The following CAMK1D variants were observed in gnomAD, a reference collection of about 807,000 sequenced individuals.
CAMK1D encodes calcium/calmodulin dependent protein kinase ID.
A neutral mutation model predicts 47.7 loss-of-function variants in CAMK1D; 9 were observed. The ratio of observed to expected loss-of-function variants is 0.19; its 90% CI spans 0.11 to 0.33. The LOEUF (loss-of-function observed/expected upper bound fraction) is 0.33. Among genes scored for constraint, CAMK1D ranks in the 10% least tolerant of loss-of-function variants. The pLI is 1.00. For missense variants in CAMK1D, 291 were observed against 488.7 expected (o/e 0.60, Z 3.81); for synonymous variants, 184 against 184.9 (o/e 0.99, Z 0.04).
chr10:12,660,903 G>C (rs532551310), intron 2 of CAMK1D, among the ~76,000 whole-genome samples: 1 of 152,372 alleles, frequency 6.6e-6, no homozygotes, highest in Non-Finnish European at 1.5e-5. Flanking sequence ...TTTGGAAAGA[G>C]TGTTGACCTC....
intron 2 of CAMK1D, among the ~76,000 whole-genome samples, chr10:12,642,314 G>C (rs1331390718): frequency 1.3e-5 from 2 of 152,206 alleles, no homozygotes; most frequent in Admixed American, 6.5e-5. Context: ...TCAGGGCCTG[G>C]CATGTAAGTG....
chr10:12,492,046 A>G (rs1006459537), intron 1 of CAMK1D, among the ~76,000 whole-genome samples: 1 of 152,108 alleles, frequency 6.6e-6, no homozygotes, highest in Non-Finnish European at 1.5e-5. Context: ...CAGCCTCCCA[A>G]ACTGCTGAGA....
intron 1 of CAMK1D, among the ~76,000 whole-genome samples, chr10:12,370,673 T>C (rs944698454): frequency 2.0e-5 from 3 of 152,174 alleles, no homozygotes; most frequent in Non-Finnish European, 4.4e-5. Context: ...GGTGGCGTGA[T>C]CTTGGCTCAC....
At chr10:12,567,838 CAG>C (rs1177242562) in intron 2 of CAMK1D, among the ~76,000 whole-genome samples, 1 of 151,902 alleles carries the variant, frequency 6.6e-6, no homozygotes. Flanking sequence ...GTGCAAATTT[CAG>C]AGAGTGCCTC....
rs538719162 is a variant in CAMK1D, at chr10:12,653,129, T to G, written c.225-13607T>G. On this transcript the variant is annotated intron_variant, in intron 2 of 10. Transcript: ENST00000619168. ...GAGGCATTGTGGGGCATCACATGGC[T>G]GGGGGGCTGAGCGTGCTCATGTGCT... 4.6e-3 allele frequency: 704 copies of G among 154,424 alleles called. 3 individuals are homozygous for G. The highest frequency in any genetic ancestry group is 0.015 in the African/African-American group (645 of 41,632). 9.6% of individuals were successfully genotyped at this position (154,424 alleles called of 1,614,324 possible). A position where few individuals can be genotyped will look rare whatever the true frequency, so the allele number is the denominator to read the frequency against.
At chr10:12,565,506 G>A (rs56314209) in intron 2 of CAMK1D, among the ~76,000 whole-genome samples, 2 of 152,150 alleles carry the variant, frequency 1.3e-5, no homozygotes, top group Non-Finnish European at 2.9e-5. Context: ...TGCCCGCCTC[G>A]GCCTCCCAAA....
At chr10:12,515,017 A>G (rs1030801404) in intron 1 of CAMK1D, among the ~76,000 whole-genome samples, 1 of 147,440 alleles carries the variant, frequency 6.8e-6, no homozygotes, top group Non-Finnish European at 1.5e-5. Context: ...CACCTGGCTA[A>G]TTTTTTTTTT....
At chr10:12,533,911 G>C (rs755662753) in intron 1 of CAMK1D, among the ~76,000 whole-genome samples, 4 of 152,152 alleles carry the variant, frequency 2.6e-5, no homozygotes, top group Non-Finnish European at 4.4e-5. Context: ...GTCACAAGCT[G>C]ATTGCTGGAG....
At chr10:12,528,224 A>AT (rs1444626854) in intron 1 of CAMK1D, among the ~76,000 whole-genome samples, 3 of 152,242 alleles carry the variant, frequency 2.0e-5, no homozygotes, top group Admixed American at 1.3e-4. Flanking sequence ...GTCCACAGAC[A>AT]TAACTACAAT....
chr10:12,547,213 TC>T (rs949346915), intron 1 of CAMK1D, among the ~76,000 whole-genome samples: 3 of 151,706 alleles, frequency 2.0e-5, no homozygotes, highest in Non-Finnish European at 4.4e-5. Context: ...AGGAAGGAGG[TC>T]AAGGCAAAAA....
chr10:12,535,675 T>C (rs996304176), intron 1 of CAMK1D, among the ~76,000 whole-genome samples: 2 of 152,174 alleles, frequency 1.3e-5, no homozygotes, highest in Middle Eastern at 3.2e-3. Flanking sequence ...ATTACTCAAA[T>C]GTGGCTACTT....
chr10:12,374,815 C>T (rs1257857202), intron 1 of CAMK1D, among the ~76,000 whole-genome samples: 3 of 151,540 alleles, frequency 2.0e-5, no homozygotes, highest in Non-Finnish European at 4.4e-5. Flanking sequence ...TGGTGGTGGG[C>T]GCTTGTAATC....
At chr10:12,658,429 G>C (rs1204889711) in intron 2 of CAMK1D, among the ~76,000 whole-genome samples, 1 of 151,924 alleles carries the variant, frequency 6.6e-6, no homozygotes, top group Non-Finnish European at 1.5e-5. Flanking sequence ...TGATAGGGGA[G>C]GGGGGCAGGG....
At chr10:12,474,770 C>T (rs149741688) in intron 1 of CAMK1D, among the ~76,000 whole-genome samples, 1 of 151,980 alleles carries the variant, frequency 6.6e-6, no homozygotes, top group Non-Finnish European at 1.5e-5. Flanking sequence ...TCAAGCAGAC[C>T]CAGTATCCGT....
chr10:12,801,354 TTATC>T (rs56165416), intron 6 of CAMK1D, among the ~76,000 whole-genome samples: 3,065 of 66,056 alleles, frequency 0.046, 119 homozygotes, highest in Middle Eastern at 0.071. Flanking sequence ...TCTATCTATC[TTATC>T]TATCTATCTA....
At chr10:12,457,466 G>A (rs375864119) in intron 1 of CAMK1D, among the ~76,000 whole-genome samples, 38 of 151,862 alleles carry the variant, frequency 2.5e-4, no homozygotes, top group Non-Finnish European at 4.3e-4. Flanking sequence ...GTGAAAAACA[G>A]TGCATGGAGT....
At chr10:12,550,177 A>G (rs909540106) in intron 1 of CAMK1D, among the ~76,000 whole-genome samples, 2 of 152,204 alleles carry the variant, frequency 1.3e-5, no homozygotes, top group Non-Finnish European at 2.9e-5. Context: ...AGATGGACTT[A>G]GTAAATCCAA....
At chr10:12,561,924 G>T (rs995307527) in intron 2 of CAMK1D, among the ~76,000 whole-genome samples, 5 of 152,134 alleles carry the variant, frequency 3.3e-5, no homozygotes, top group Admixed American at 6.5e-5. Context: ...TCTTGAGTAG[G>T]CATGTTGGTT....
intron 1 of CAMK1D, among the ~76,000 whole-genome samples, chr10:12,455,715 C>A (rs1407457681): frequency 6.6e-6 from 1 of 152,150 alleles, no homozygotes; most frequent in Non-Finnish European, 1.5e-5. Flanking sequence ...TGAAAACATT[C>A]TTGTCCATGT....
Sources: allele counts gnomAD v4.1 joint callset (sites outside exome capture counted in the v4.1 genomes callset), GRCh38; gene constraint gnomAD v4.1.1; transcripts MANE v1.5; gene names NCBI Gene and HGNC (gene_info 2026-07-23, HGNC 2026-07-21).